Variants in TOX3 observed in about 807,000 individuals in gnomAD.
TOX3 encodes the protein CAG trinucleotide repeat-containing gene F9 protein.
In TOX3, 22 loss-of-function variants were observed where a neutral mutation model predicts 64.3. The ratio of observed to expected loss-of-function variants is 0.34; its 90% CI spans 0.24 to 0.49. The LOEUF is 0.49. Among genes scored for constraint, TOX3 ranks in the 20% least tolerant of loss-of-function variants. The pLI, the probability that TOX3 is intolerant of heterozygous loss-of-function variation, is 0.99. For missense variants in TOX3, 661 were observed against 714.4 expected, an observed-to-expected ratio of 0.93 and a Z score of 0.85; for synonymous variants, 291 against 273.6, an observed-to-expected ratio of 1.06 and a Z score of -0.63.
chr16:52,479,954 C>T (rs1961320641), intron 1 of TOX3, among the ~76,000 whole-genome samples: 1 of 152,156 alleles, frequency 6.6e-6, no homozygotes, highest in African/African-American at 2.4e-5. Context: ...TTGGCACCAC[C>T]TTCCCCTCCC....
chr16:52,444,655 T>C (rs1333673450), intron 5 of TOX3: 1 of 251,386 alleles, frequency 4.0e-6, no homozygotes, highest in African/African-American at 2.2e-5. Flanking sequence ...CACTTTTTCT[T>C]GAGAACAGCT....
intron 3 of TOX3, among the ~76,000 whole-genome samples, chr16:52,460,348 A>T (rs1453598736): frequency 6.6e-6 from 1 of 152,218 alleles, no homozygotes; most frequent in Non-Finnish European, 1.5e-5. Flanking sequence ...GGGCATACAA[A>T]ATATCAGACC....
chr16:52,463,010 G>A (rs949966730), intron 3 of TOX3, among the ~76,000 whole-genome samples: 3 of 152,106 alleles, frequency 2.0e-5, no homozygotes, highest in African/African-American at 7.2e-5. Flanking sequence ...GCAATCATAT[G>A]TTGTTATCTG....
At position 52,450,472 on chromosome 16, in the gene TOX3, G is replaced by C; in HGVS notation, c.483C>G (p.Thr161=). 6.2e-7 allele frequency: 1 copy of C among 1,614,032 alleles called. No homozygotes were observed. Among genetic ancestry groups the C allele is most frequent in the Non-Finnish European group, 8.5e-7 (1 of 1,179,890 alleles). ...SLIMRSIVHM[T]DAARSGVMPP... ...GCATGACCCCAGAACGCGCAGCATC[G>C]GTCATGTGGACGATGGACCGCATGA... Residue 161 remains threonine, a synonymous_variant, in exon 4 of 7, where the codon ACC becomes ACG. Coordinates refer to ENST00000219746, the MANE Select transcript of TOX3 (RefSeq NM_001080430.4).
chr16:52,516,768 CT>C (rs1269793786), intron 1 of TOX3, among the ~76,000 whole-genome samples: 1 of 152,104 alleles, frequency 6.6e-6, no homozygotes, highest in Non-Finnish European at 1.5e-5. Flanking sequence ...AGGGGATTAA[CT>C]GCAAAGGGGT....
chr16:52,492,431 T>C (rs1436315428), intron 1 of TOX3, among the ~76,000 whole-genome samples: 1 of 145,518 alleles, frequency 6.9e-6, no homozygotes, highest in East Asian at 2.0e-4. Context: ...TATATATATA[T>C]TAGTTTGAAA....
rs920866746 is a variant in TOX3, at chr16:52,531,711, T to G, written c.87+14926A>C. On this transcript the variant is annotated intron_variant, in intron 1 of 6. Transcript: ENST00000219746. ...TGAATGTGGCAAATCTGCGAACACA[T>G]TGCAAGACACTGGAAGTGTTCAGAA... Among the ~76,000 whole-genome samples the G allele has an allele frequency of 3.9e-5, 6 of 152,128 alleles. No homozygotes were observed. In the East Asian group the frequency reaches 9.7e-4, roughly 25 times the overall value.
intron 1 of TOX3, among the ~76,000 whole-genome samples, chr16:52,474,547 T>C (rs1228005683): frequency 6.7e-6 from 1 of 150,098 alleles, no homozygotes; most frequent in Non-Finnish European, 1.5e-5. Context: ...AGCCCAGGAG[T>C]TTGAGGCTGC....
chr16:52,522,667 A>G (rs1485537244), intron 1 of TOX3, among the ~76,000 whole-genome samples: 1 of 152,190 alleles, frequency 6.6e-6, no homozygotes, highest in Admixed American at 6.5e-5. Flanking sequence ...GGAGTTCCCA[A>G]GACACTGGTC....
At chr16:52,466,673 G>C (rs1262984216) in intron 2 of TOX3, among the ~76,000 whole-genome samples, 1 of 152,144 alleles carries the variant, frequency 6.6e-6, no homozygotes, top group Non-Finnish European at 1.5e-5. Flanking sequence ...GGAACAGAGA[G>C]AGATGTCATA....
At chr16:52,485,188 TGTA>T (rs1241769844) in intron 1 of TOX3, among the ~76,000 whole-genome samples, 5 of 147,828 alleles carry the variant, frequency 3.4e-5, no homozygotes, top group African/African-American at 1.3e-4. Flanking sequence ...CGTGTGTATA[TGTA>T]GTGTGTGTGT....
intron 1 of TOX3, among the ~76,000 whole-genome samples, chr16:52,501,767 A>T (rs761336978): frequency 1.2e-4 from 18 of 152,186 alleles, no homozygotes; most frequent in Non-Finnish European, 2.2e-4. Flanking sequence ...TATACTAGTG[A>T]AAGTACTGCC....
chr16:52,448,217 T>C (rs1960222747), intron 4 of TOX3, among the ~76,000 whole-genome samples: 1 of 152,194 alleles, frequency 6.6e-6, no homozygotes, highest in South Asian at 2.1e-4. Context: ...ACATAATCAA[T>C]GATAGTTTTA....
chr16:52,518,462 A>G (rs1409048651), intron 1 of TOX3, among the ~76,000 whole-genome samples: 1 of 152,214 alleles, frequency 6.6e-6, no homozygotes. Flanking sequence ...TAAGACCCAG[A>G]CCATCAACCT....
intron 1 of TOX3, among the ~76,000 whole-genome samples, chr16:52,483,191 C>T (rs113573731): frequency 3.7e-4 from 57 of 152,296 alleles, no homozygotes; most frequent in African/African-American, 1.3e-3. Context: ...CACTGTTTCA[C>T]TTCCATGTTT....
chr16:52,546,283 C>T (rs1057458209), intron 1 of TOX3, among the ~76,000 whole-genome samples: 5 of 152,150 alleles, frequency 3.3e-5, no homozygotes, highest in Non-Finnish European at 5.9e-5. Flanking sequence ...CCCACTCAGT[C>T]CAGGGGGGCT....
At chr16:52,461,841 C>G (rs3095661) in intron 3 of TOX3, among the ~76,000 whole-genome samples, 101,383 of 151,992 alleles carry the variant, frequency 0.67, 35,169 homozygotes, top group East Asian at 0.87. Context: ...TCAGTACCCG[C>G]AGAGAGATAT....
intron 2 of TOX3, among the ~76,000 whole-genome samples, chr16:52,465,418 C>T (rs1350058645): frequency 6.8e-6 from 1 of 146,434 alleles, no homozygotes; most frequent in Non-Finnish European, 1.5e-5. Context: ...ATTTTTTTGG[C>T]GAGAGGTTCT....
At chr16:52,484,700 A>G (rs1362748191) in intron 1 of TOX3, among the ~76,000 whole-genome samples, 1 of 152,280 alleles carries the variant, frequency 6.6e-6, no homozygotes, top group Non-Finnish European at 1.5e-5. Flanking sequence ...GAGAAATAAG[A>G]TAACAGTCAA....
Sources: gnomAD v4.1 joint callset for allele counts (sites outside exome capture counted in the v4.1 genomes callset) on GRCh38, gnomAD v4.1.1 for gene constraint, MANE v1.5 for transcripts, NCBI Gene and HGNC (gene_info 2026-07-23, HGNC 2026-07-21) for gene names.